Variants in NSMCE2 observed in about 807,000 individuals in gnomAD.
NSMCE2 encodes the protein E3 SUMO-protein ligase NSE2.
A neutral mutation model predicts 23.8 loss-of-function variants in NSMCE2; 24 were observed. That is an observed-to-expected ratio of 1.01 (90% CI 0.73 to 1.42). The LOEUF is 1.42. Ranked by LOEUF, NSMCE2 falls within the 40% of genes most tolerant of loss-of-function variation. The pLI is 0.00. For missense variants in NSMCE2, 284 were observed against 296.5 expected, an observed-to-expected ratio of 0.96 and a Z score of 0.31; for synonymous variants, 92 against 94.1, an observed-to-expected ratio of 0.98 and a Z score of 0.13.
Position 125,324,842 on chromosome 8 carries a change from G to A in NSMCE2, c.419-32377G>A, listed in dbSNP as rs1267525538. On this transcript the variant is annotated intron_variant, in intron 5 of 7. Transcript: ENST00000287437. ...GCCCGCCTCGGCCTCCCAAAGTGCT[G>A]GGATTACAGGCATGAGCCACCGCGC... Among the ~76,000 whole-genome samples, 47 of 52,574 alleles carry A rather than the reference G, an allele frequency of 8.9e-4. 13 individuals carry two copies. Among genetic ancestry groups the A allele is most frequent in the Admixed American group, 1.9e-3 (6 of 3,236 alleles). The allele number at this position is 52,574 out of a possible 152,430, so 34.5% of individuals were successfully genotyped here.
chr8:125,190,466 C>G lies in NSMCE2; in HGVS notation c.418+8210C>G. ...GAGAAGTGTAGCTACTCTCTCTCTT[C>G]TCTTTTGTAAAGCTGTTACTTTTTA... On this transcript the variant is annotated intron_variant, in intron 5 of 7. Coordinates refer to ENST00000287437, the MANE Select transcript of NSMCE2 (RefSeq NM_173685.4). 1.3e-5 allele frequency among the ~76,000 whole-genome samples: 2 copies of G among 152,122 alleles called. 1 individual carries two copies. Among genetic ancestry groups the G allele is most frequent in the Non-Finnish European group, 2.9e-5 (2 of 68,014 alleles).
chr8:125,169,365 A>G (rs565103009), intron 4 of NSMCE2, among the ~76,000 whole-genome samples: 1 of 152,274 alleles, frequency 6.6e-6, no homozygotes, highest in South Asian at 2.1e-4. Flanking sequence ...TTAGAACCAC[A>G]CACATAAACT....
chr8:125,191,332 A>G (rs34448805), intron 5 of NSMCE2, among the ~76,000 whole-genome samples: 10,088 of 152,192 alleles, frequency 0.066, 436 homozygotes, highest in South Asian at 0.16. Flanking sequence ...GTTCTTTCCC[A>G]CATACCACAC....
At chr8:125,300,690 A>AATT (rs1213035592) in intron 5 of NSMCE2, among the ~76,000 whole-genome samples, 1 of 152,188 alleles carries the variant, frequency 6.6e-6, no homozygotes, top group Non-Finnish European at 1.5e-5. Context: ...TGGTCTCAAT[A>AATT]AAGTTCAGCA....
At chr8:125,230,305 T>C (rs985461869) in intron 5 of NSMCE2, among the ~76,000 whole-genome samples, 1 of 152,186 alleles carries the variant, frequency 6.6e-6, no homozygotes, top group Non-Finnish European at 1.5e-5. Context: ...TAATACCCTA[T>C]AAAGCCTTAC....
chr8:125,313,638 G>C (rs778483726), intron 5 of NSMCE2, among the ~76,000 whole-genome samples: 2 of 152,034 alleles, frequency 1.3e-5, no homozygotes, highest in Admixed American at 6.6e-5. Context: ...CCTCAAAATC[G>C]GTCATCCTGT....
chr8:125,124,504 G>A (rs2130519809), intron 3 of NSMCE2, among the ~76,000 whole-genome samples: 2 of 146,974 alleles, frequency 1.4e-5, no homozygotes, highest in Middle Eastern at 7.2e-3. Context: ...CTCTCAACAA[G>A]GTCTCACTCT....
chr8:125,319,963 G>A (rs1479964900), intron 5 of NSMCE2, among the ~76,000 whole-genome samples: 1 of 151,982 alleles, frequency 6.6e-6, no homozygotes, highest in Non-Finnish European at 1.5e-5. Context: ...ATCACCTGAG[G>A]TCAGGAGTTC....
At chr8:125,297,805 A>T (rs1828387348) in intron 5 of NSMCE2, among the ~76,000 whole-genome samples, 1 of 152,096 alleles carries the variant, frequency 6.6e-6, no homozygotes, top group South Asian at 2.1e-4. Context: ...ACTGCACTCC[A>T]GCCCATCAAC....
intron 5 of NSMCE2, among the ~76,000 whole-genome samples, chr8:125,256,844 T>A (rs1826441567): frequency 7.1e-6 from 1 of 140,796 alleles, no homozygotes; most frequent in South Asian, 2.2e-4. Context: ...GCGAATTGCT[T>A]GAACCTGGGA....
intron 5 of NSMCE2, among the ~76,000 whole-genome samples, chr8:125,273,859 C>T (rs903553480): frequency 6.6e-6 from 1 of 152,146 alleles, no homozygotes; most frequent in African/African-American, 2.4e-5. Context: ...ATGTTAGAGT[C>T]CCAGGATCAC....
At chr8:125,204,563 C>T (rs1358562706) in intron 5 of NSMCE2, among the ~76,000 whole-genome samples, 1 of 152,176 alleles carries the variant, frequency 6.6e-6, no homozygotes, top group African/African-American at 2.4e-5. Flanking sequence ...GTTGACCATA[C>T]TTCTTATATT....
chr8:125,217,957 G>GT (rs1338336542), intron 5 of NSMCE2, among the ~76,000 whole-genome samples: 7 of 151,992 alleles, frequency 4.6e-5, no homozygotes, highest in Non-Finnish European at 1.0e-4. Flanking sequence ...GAAGGCTCAG[G>GT]TATTTGTGGT....
At chr8:125,132,242 C>T (rs1005134707) in intron 3 of NSMCE2, among the ~76,000 whole-genome samples, 6 of 151,936 alleles carry the variant, frequency 3.9e-5, no homozygotes, top group East Asian at 1.9e-4. Context: ...GGACTACAAG[C>T]GTACACCATT....
chr8:125,254,777 C>T (rs771704803), intron 5 of NSMCE2, among the ~76,000 whole-genome samples: 5 of 152,050 alleles, frequency 3.3e-5, no homozygotes, highest in East Asian at 1.9e-4. Context: ...GAGACTGTGA[C>T]GTTCTATGGA....
intron 4 of NSMCE2, among the ~76,000 whole-genome samples, chr8:125,168,498 G>A (rs1822009691): frequency 6.6e-6 from 1 of 152,214 alleles, no homozygotes; most frequent in Non-Finnish European, 1.5e-5. Context: ...CAGTTCTGGA[G>A]TCTGGGAAAT....
At chr8:125,355,642 G>A (rs1400173395) in intron 5 of NSMCE2, among the ~76,000 whole-genome samples, 1 of 145,306 alleles carries the variant, frequency 6.9e-6, no homozygotes, top group Admixed American at 7.0e-5. Context: ...GGAGGTTGCA[G>A]TGAGCCAAGA....
intron 5 of NSMCE2, among the ~76,000 whole-genome samples, chr8:125,347,492 A>G (rs546837945): frequency 3.9e-5 from 6 of 152,312 alleles, no homozygotes; most frequent in African/African-American, 1.4e-4. Flanking sequence ...CTCTCCTACC[A>G]GACCCGATCT....
intron 5 of NSMCE2, among the ~76,000 whole-genome samples, chr8:125,261,389 TA>T (rs1826685739): frequency 6.6e-6 from 1 of 152,242 alleles, no homozygotes; most frequent in African/African-American, 2.4e-5. Flanking sequence ...AAGCCTTTAT[TA>T]TTTATTGAAG....
Sources: allele counts gnomAD v4.1 joint callset (sites outside exome capture counted in the v4.1 genomes callset), GRCh38; gene constraint gnomAD v4.1.1; transcripts MANE v1.5; gene names NCBI Gene and HGNC (gene_info 2026-07-23, HGNC 2026-07-21).